The following PLCG2 variants were observed in gnomAD, a reference collection of about 807,000 sequenced individuals.
PLCG2 encodes the protein phospholipase C gamma 2, also known as 1-phosphatidylinositol 4,5-bisphosphate phosphodiesterase gamma-2.
PLCG2 carries 69 observed loss-of-function variants against 175.6 expected under a neutral mutation model. The ratio of observed to expected loss-of-function variants is 0.39; its 90% CI spans 0.32 to 0.48. The LOEUF is 0.48. Among genes scored for constraint, PLCG2 ranks in the 20% least tolerant of loss-of-function variants. PLCG2 has a pLI of 0.91. For missense variants in PLCG2, 1,798 were observed against 1,650.9 expected (o/e 1.09, Z -1.54); for synonymous variants, 827 against 624.0 (o/e 1.33, Z -4.85).
intron 21 of PLCG2, among the ~76,000 whole-genome samples, chr16:81,922,415 T>C (rs1910096921): frequency 6.6e-6 from 1 of 152,236 alleles, no homozygotes; most frequent in African/African-American, 2.4e-5. Flanking sequence ...TTAAAGGAGA[T>C]ACCTTAAGGC....
intron 2 of PLCG2, among the ~76,000 whole-genome samples, chr16:81,760,940 G>A (rs907545187): frequency 3.9e-5 from 6 of 152,018 alleles, no homozygotes; most frequent in African/African-American, 7.2e-5. Flanking sequence ...GTTTCACTCT[G>A]TCACCCAGGC....
intron 29 of PLCG2, 46 bp from the exon 30 acceptor site, chr16:81,939,846 G>A (rs571991087): frequency 7.5e-6 from 10 of 1,342,032 alleles, no homozygotes; most frequent in Non-Finnish European, 9.6e-6. Flanking sequence ...TTACCAGAAG[G>A]GGGCAGCTCC....
chr16:81,807,191 G>A (rs1393854120), intron 2 of PLCG2, among the ~76,000 whole-genome samples: 3 of 147,484 alleles, frequency 2.0e-5, no homozygotes, highest in African/African-American at 7.3e-5. Context: ...ATTTCACAGG[G>A]TCAGCTCCCC....
chr16:81,867,697 C>G (rs556485640), intron 5 of PLCG2, among the ~76,000 whole-genome samples: 87 of 151,936 alleles, frequency 5.7e-4, no homozygotes, highest in African/African-American at 2.0e-3. Context: ...GCTTCCCTCC[C>G]TTTTCTTTTT....
intron 2 of PLCG2, among the ~76,000 whole-genome samples, chr16:81,800,561 C>T (rs1026673477): frequency 1.3e-5 from 2 of 152,170 alleles, no homozygotes; most frequent in Non-Finnish European, 2.9e-5. Flanking sequence ...CGTTTTATGG[C>T]TGCATAGTAT....
In PLCG2 at chr16:81,940,457, T is replaced by TGGG. The variant is rs144704755; in HGVS notation, c.3481+404_3481+406dup. Among the ~76,000 whole-genome samples, 13 of 151,650 alleles carry TGGG rather than the reference T, an allele frequency of 8.6e-5. No individual in the cohort carries two copies. The East Asian group carries it at 1.2e-3, about 14-fold the overall frequency. The stretch of plus-strand genomic sequence containing the variant: ...GGCAAGGGAGAGACCTTTGGCATCT[T>TGGG]GGGGGGGGAGTAACAATCTCGAGGG... On this transcript the variant is annotated intron_variant, in intron 30 of 32. Transcript: ENST00000564138.
chr16:81,756,560 C>T (rs1597304253), intron 2 of PLCG2, among the ~76,000 whole-genome samples: 1 of 152,114 alleles, frequency 6.6e-6, no homozygotes, highest in East Asian at 1.9e-4. Context: ...GTGACCACAC[C>T]ATACAGTGTC....
intron 2 of PLCG2, among the ~76,000 whole-genome samples, chr16:81,831,340 G>T (rs1290596889): frequency 1.3e-5 from 2 of 152,316 alleles, no homozygotes; most frequent in Admixed American, 6.5e-5. Flanking sequence ...TGACCTAATG[G>T]CTGAATGAAC....
intron 17 of PLCG2, 24 bp downstream of exon 17, chr16:81,908,615 G>T (rs532712308): frequency 1.3e-6 from 2 of 1,582,998 alleles, no homozygotes; most frequent in Non-Finnish European, 8.6e-7. Flanking sequence ...CCCAGGGAAC[G>T]CCTACCTTCT....
chr16:81,878,784 A>T (rs912538932), intron 7 of PLCG2, among the ~76,000 whole-genome samples: 2 of 152,150 alleles, frequency 1.3e-5, no homozygotes, highest in African/African-American at 2.4e-5. Context: ...TGCCTTTGGG[A>T]TGCCCGACTG....
chr16:81,891,404 C>T (rs956250549), intron 10 of PLCG2, 68 bp from the exon 11 acceptor site: 18 of 923,820 alleles, frequency 1.9e-5, no homozygotes, highest in Non-Finnish European at 2.9e-5. Flanking sequence ...TGGGCGCAGA[C>T]CAGAAACAAG....
intron 24 of PLCG2, among the ~76,000 whole-genome samples, chr16:81,930,706 C>T (rs527261901): frequency 1.7e-4 from 25 of 146,442 alleles, no homozygotes; most frequent in African/African-American, 6.3e-4. Context: ...CAAGATCGCA[C>T]CACTGCACTT....
intron 17 of PLCG2, among the ~76,000 whole-genome samples, chr16:81,909,061 C>T (rs1007568423): frequency 6.6e-6 from 1 of 152,188 alleles, no homozygotes; most frequent in African/African-American, 2.4e-5. Flanking sequence ...ATTCATTCAT[C>T]CACCCACTTA....
At chr16:81,787,666 A>C (rs4274427) in intron 2 of PLCG2, among the ~76,000 whole-genome samples, 31,482 of 151,846 alleles carry the variant, frequency 0.21, 3,402 homozygotes, top group Non-Finnish European at 0.24. Flanking sequence ...GCACCACTCC[A>C]ATCAAAAGTA....
At chr16:81,837,364 C>G (rs12445050) in intron 2 of PLCG2, among the ~76,000 whole-genome samples, 1 of 152,286 alleles carries the variant, frequency 6.6e-6, no homozygotes, top group Admixed American at 6.5e-5. Flanking sequence ...CTTTTCCAAA[C>G]GAGTGGGCAC....
At chr16:81,885,777 C>G (rs1908330452) in intron 9 of PLCG2, among the ~76,000 whole-genome samples, 1 of 152,150 alleles carries the variant, frequency 6.6e-6, no homozygotes, top group Non-Finnish European at 1.5e-5. Flanking sequence ...ACAAGGCCAT[C>G]CACACTGAGG....
At chr16:81,902,642 C>T (rs1188161541) in intron 14 of PLCG2, among the ~76,000 whole-genome samples, 1 of 152,102 alleles carries the variant, frequency 6.6e-6, no homozygotes, top group East Asian at 1.9e-4. Context: ...CCCTCATTCC[C>T]ATTCATAAAA....
intron 1 of PLCG2, among the ~76,000 whole-genome samples, chr16:81,744,286 T>A (rs1909660207): frequency 6.6e-6 from 1 of 151,118 alleles, no homozygotes; most frequent in African/African-American, 2.4e-5. Context: ...TGCCTCAGCC[T>A]CCCAAGTAGC....
upstream of PLCG2, among the ~76,000 whole-genome samples, chr16:81,778,043 C>CAAACAA (rs1910507100): frequency 3.3e-5 from 2 of 59,856 alleles, no homozygotes; most frequent in African/African-American, 1.4e-4. Flanking sequence ...AAAAAAAAAA[C>CAAACAA]AAAAAAAAAA....
Sources: allele counts gnomAD v4.1 joint callset (sites outside exome capture counted in the v4.1 genomes callset), GRCh38; gene constraint gnomAD v4.1.1; transcripts MANE v1.5; gene names NCBI Gene and HGNC (gene_info 2026-07-23, HGNC 2026-07-21).